The following JAM3 variants were observed in gnomAD, a reference collection of about 807,000 sequenced individuals.
The protein encoded by JAM3 is junctional adhesion molecule C.
A neutral mutation model predicts 39.4 loss-of-function variants in JAM3; 31 were observed. The observed-to-expected ratio is 0.79, with a 90% CI of 0.59 to 1.06. The LOEUF is 1.06. JAM3 is among the 50% of genes least tolerant of loss of function. The pLI, the probability that JAM3 is intolerant of heterozygous loss-of-function variation, is 0.00. For synonymous variants in JAM3, 182 were observed against 148.7 expected (o/e 1.22, Z -1.63); for missense variants, 455 against 391.4 (o/e 1.16, Z -1.37).
intron 1 of JAM3, among the ~76,000 whole-genome samples, chr11:134,108,948 C>T (rs1477751117): frequency 6.6e-6 from 1 of 152,054 alleles, no homozygotes; most frequent in Non-Finnish European, 1.5e-5. Flanking sequence ...GACAAAAATA[C>T]CTGCTCTCAC....
chr11:134,110,263 G>A (rs1942284219), intron 1 of JAM3, among the ~76,000 whole-genome samples: 1 of 152,148 alleles, frequency 6.6e-6, no homozygotes, highest in Admixed American at 6.5e-5. Context: ...GATTAAAAAT[G>A]AAAAGATAGA....
chr11:134,141,370 C>T (rs940481078), intron 3 of JAM3, among the ~76,000 whole-genome samples: 6 of 151,984 alleles, frequency 3.9e-5, no homozygotes, highest in South Asian at 2.1e-4. Context: ...TGTATGAAGA[C>T]GCAGAAGCAA....
Position 134,140,760 on chromosome 11 carries a change from C to T in JAM3, c.246C>T (p.Asn82=). Residue 82 remains asparagine, a synonymous_variant, in exon 3 of 9, where the codon AAC becomes AAT. Transcript: ENST00000299106. The part of the protein sequence containing the change: ...DEQTTYVFFD[N]KIQGDLAGRA... ...AAACCACATATGTGTTTTTTGACAA[C>T]AAAATTCAGGGTATGATCCTGTAGT... 1 of 1,613,160 alleles carries T rather than the reference C, an allele frequency of 6.2e-7. No homozygotes were observed. The highest frequency in any genetic ancestry group is 8.5e-7 in the Non-Finnish European group (1 of 1,179,502).
chr11:134,115,008 T>A (rs1458620787), intron 1 of JAM3, among the ~76,000 whole-genome samples: 2 of 152,266 alleles, frequency 1.3e-5, no homozygotes, highest in African/African-American at 4.8e-5. Flanking sequence ...TTTTGCATAA[T>A]ATATTTTGAA....
intron 2 of JAM3, among the ~76,000 whole-genome samples, 162 bp downstream of exon 2, chr11:134,140,078 C>T (rs1393404948): frequency 1.3e-5 from 2 of 152,206 alleles, no homozygotes; most frequent in South Asian, 2.1e-4. Flanking sequence ...ATCAGCAGGC[C>T]GGCAGTGAGC....
intron 6 of JAM3, 97 bp downstream of exon 6, chr11:134,146,142 C>T (rs1943067022): frequency 3.4e-6 from 3 of 878,128 alleles, no homozygotes; most frequent in East Asian, 2.7e-5. Context: ...AACTCTTCCG[C>T]CATGGGTTAG....
chr11:134,107,256 G>T (rs1018563283), intron 1 of JAM3, among the ~76,000 whole-genome samples: 3 of 152,020 alleles, frequency 2.0e-5, no homozygotes, highest in Non-Finnish European at 4.4e-5. Flanking sequence ...ACCGCATGTT[G>T]TCACTCATAG....
chr11:134,136,741 AAAAAT>A (rs1187534001), intron 1 of JAM3, among the ~76,000 whole-genome samples: 4 of 151,560 alleles, frequency 2.6e-5, no homozygotes, highest in African/African-American at 9.8e-5. Flanking sequence ...GTAGTTCATG[AAAAAT>A]AAAATACAAA....
intron 1 of JAM3, among the ~76,000 whole-genome samples, chr11:134,105,760 A>G (rs983168674): frequency 8.5e-5 from 13 of 152,200 alleles, no homozygotes; most frequent in African/African-American, 2.9e-4. Flanking sequence ...TGCTTCAAAG[A>G]GAATAAAATA....
intron 1 of JAM3, among the ~76,000 whole-genome samples, chr11:134,105,223 C>T (rs1016333036): frequency 8.5e-5 from 13 of 152,112 alleles, no homozygotes; most frequent in Admixed American, 2.0e-4. Flanking sequence ...AAACATCATC[C>T]GGCATATAAA....
intron 1 of JAM3, among the ~76,000 whole-genome samples, chr11:134,110,218 G>T (rs972173853): frequency 6.6e-6 from 1 of 152,160 alleles, no homozygotes; most frequent in South Asian, 2.1e-4. Context: ...TTGCAGGTGG[G>T]AATGTAAAAT....
rs558066625 is a variant in JAM3, at chr11:134,075,859, T to C, written c.76+6700T>C. Among the ~76,000 whole-genome samples, 15 of 152,328 alleles carry C rather than the reference T, an allele frequency of 9.8e-5. No individual in the cohort carries two copies. In the South Asian group the frequency reaches 2.9e-3, roughly 29 times the overall value. On this transcript the variant is annotated intron_variant, in intron 1 of 8. Coordinates refer to ENST00000299106, the MANE Select transcript of JAM3 (RefSeq NM_032801.5). ...GCTTGTACCTGCTTAACTTTTTCTTTCTGTGACTGCAATTAAACATGTTTA... is the reference window on the plus strand; with the variant it reads ...GCTTGTACCTGCTTAACTTTTTCTTCCTGTGACTGCAATTAAACATGTTTA...
At chr11:134,119,246 G>T (rs531083892) in intron 1 of JAM3, among the ~76,000 whole-genome samples, 1 of 152,068 alleles carries the variant, frequency 6.6e-6, no homozygotes, top group Non-Finnish European at 1.5e-5. Flanking sequence ...GGTGGTTTGG[G>T]TTTGGAAATG....
At chr11:134,140,446 AG>A (rs1385175904) in intron 2 of JAM3, among the ~76,000 whole-genome samples, 1 of 152,070 alleles carries the variant, frequency 6.6e-6, no homozygotes, top group East Asian at 1.9e-4. Context: ...TGTTTAAGGG[AG>A]GGGTACACTA....
At chr11:134,085,264 C>T (rs1941729400) in intron 1 of JAM3, among the ~76,000 whole-genome samples, 1 of 152,050 alleles carries the variant, frequency 6.6e-6, no homozygotes, top group Admixed American at 6.5e-5. Context: ...GCATGATTTG[C>T]AATAATGAAT....
intron 1 of JAM3, among the ~76,000 whole-genome samples, chr11:134,105,021 C>T (rs1281932655): frequency 2.6e-5 from 4 of 152,264 alleles, no homozygotes; most frequent in East Asian, 1.9e-4. Flanking sequence ...CCAGGATCAT[C>T]GTGATACCAA....
At chr11:134,134,398 C>CAAAAAAAAAAAAA (rs34729848) in intron 1 of JAM3, among the ~76,000 whole-genome samples, 21 of 31,916 alleles carry the variant, frequency 6.6e-4, no homozygotes, top group East Asian at 1.1e-3. Flanking sequence ...GGATAAATGC[C>CAAAAAAAAAAAAA]AAAAAAAAAA....
At chr11:134,097,312 T>C (rs983440775) in intron 1 of JAM3, among the ~76,000 whole-genome samples, 12 of 152,348 alleles carry the variant, frequency 7.9e-5, no homozygotes, top group African/African-American at 2.9e-4. Flanking sequence ...AAACAGTGTT[T>C]AGTGTCTGTG....
At chr11:134,135,667 A>G (rs1237020544) in intron 1 of JAM3, among the ~76,000 whole-genome samples, 1 of 151,686 alleles carries the variant, frequency 6.6e-6, no homozygotes, top group Non-Finnish European at 1.5e-5. Flanking sequence ...CCTACTGAGT[A>G]GCTGGGATTA....
Sources: gnomAD v4.1 joint callset for allele counts (sites outside exome capture counted in the v4.1 genomes callset) on GRCh38, gnomAD v4.1.1 for gene constraint, MANE v1.5 for transcripts, NCBI Gene and HGNC (gene_info 2026-07-23, HGNC 2026-07-21) for gene names.